The following SYT1 variants were observed in gnomAD, a reference collection of about 807,000 sequenced individuals.
SYT1 encodes synaptotagmin 1.
A neutral mutation model predicts 44.8 loss-of-function variants in SYT1; 8 were observed. The observed-to-expected ratio is 0.18, with a 90% CI of 0.10 to 0.32. The LOEUF is 0.32. SYT1 is among the 10% of genes least tolerant of loss of function. The pLI, the probability that SYT1 is intolerant of heterozygous loss-of-function variation, is 1.00. For missense variants in SYT1, 286 were observed against 509.3 expected (o/e 0.56, Z 4.22); for synonymous variants, 154 against 188.8 (o/e 0.82, Z 1.51).
chr12:78,871,760 A>G (rs748862545), intron 1 of SYT1, among the ~76,000 whole-genome samples: 6 of 151,916 alleles, frequency 3.9e-5, no homozygotes, highest in Non-Finnish European at 5.9e-5. Flanking sequence ...GCCAGATCCT[A>G]GTTTACAAGG....
At chr12:79,132,052 T>G (rs564187806) in intron 3 of SYT1, among the ~76,000 whole-genome samples, 36 of 152,314 alleles carry the variant, frequency 2.4e-4, no homozygotes, top group African/African-American at 8.4e-4. Flanking sequence ...TGAGTTTTCT[T>G]CCTATTAGAA....
chr12:79,037,654 G>A (rs986714796), intron 2 of SYT1, among the ~76,000 whole-genome samples: 2 of 151,600 alleles, frequency 1.3e-5, no homozygotes, highest in Non-Finnish European at 1.5e-5. Context: ...CTAAATATGA[G>A]GTACAATCTT....
intron 10 of SYT1, 33 bp downstream of exon 10, chr12:79,444,239 A>G: frequency 6.2e-7 from 1 of 1,610,638 alleles, no homozygotes; most frequent in Non-Finnish European, 8.5e-7. Flanking sequence ...CTTCCCACTC[A>G]ATTTCATTCC....
At chr12:79,445,635 T>C (rs1220074904) in intron 10 of SYT1, among the ~76,000 whole-genome samples, 3 of 151,956 alleles carry the variant, frequency 2.0e-5, no homozygotes, top group Non-Finnish European at 4.4e-5. Context: ...ATTCATTCTT[T>C]TTTATGGCCG....
intron 4 of SYT1, among the ~76,000 whole-genome samples, chr12:79,269,301 C>T (rs1252585159): frequency 6.6e-6 from 1 of 152,102 alleles, no homozygotes; most frequent in Non-Finnish European, 1.5e-5. Context: ...TCTTGCCCTT[C>T]TCTAACCAGC....
At chr12:79,235,980 G>A (rs1032644391) in intron 4 of SYT1, among the ~76,000 whole-genome samples, 1 of 152,058 alleles carries the variant, frequency 6.6e-6, no homozygotes, top group African/African-American at 2.4e-5. Context: ...CAATACCAGA[G>A]CTTATATTTA....
intron 3 of SYT1, among the ~76,000 whole-genome samples, chr12:79,177,969 G>A (rs1871999502): frequency 6.7e-6 from 1 of 149,038 alleles, no homozygotes; most frequent in Non-Finnish European, 1.5e-5. Flanking sequence ...TGAGTAGTTT[G>A]CGAAAATTTT....
At chr12:79,389,000 A>G (rs552637789) in intron 9 of SYT1, among the ~76,000 whole-genome samples, 35 of 152,232 alleles carry the variant, frequency 2.3e-4, no homozygotes, top group Non-Finnish European at 4.3e-4. Context: ...CTGCAATGCA[A>G]GAAACTTTGT....
intron 4 of SYT1, among the ~76,000 whole-genome samples, chr12:79,225,391 G>A (rs1875458735): frequency 6.6e-6 from 1 of 152,178 alleles, no homozygotes; most frequent in Non-Finnish European, 1.5e-5. Flanking sequence ...AGGAAGACTT[G>A]TAAGCCAGTA....
chr12:79,154,793 T>C (rs1215019863), intron 3 of SYT1, among the ~76,000 whole-genome samples: 1 of 152,138 alleles, frequency 6.6e-6, no homozygotes, highest in Non-Finnish European at 1.5e-5. Context: ...GGGAAAAGCA[T>C]ATGGACTTGA....
chr12:79,200,195 A>G (rs1391826123), intron 3 of SYT1, among the ~76,000 whole-genome samples: 1 of 152,166 alleles, frequency 6.6e-6, no homozygotes, highest in Non-Finnish European at 1.5e-5. Flanking sequence ...AAGACATAGA[A>G]AGCATTTTAT....
rs867601757 is a variant in SYT1 at position 79,124,100 on chromosome 12, G to A, written c.-18+76738G>A. ...TCCTGAAATAAGCCACATTAAAATT[G>A]TCAAAAAGAAAAACCTCTTGCAAAT... On this transcript the variant is annotated intron_variant, in intron 3 of 10. Coordinates refer to ENST00000261205, the MANE Select transcript of SYT1 (RefSeq NM_005639.3). Among the ~76,000 whole-genome samples the A allele has an allele frequency of 3.3e-5, 5 of 152,110 alleles. No homozygotes were observed. In the South Asian group the frequency reaches 1.0e-3, roughly 31 times the overall value.
At chr12:79,075,327 TTC>T (rs147649986) in intron 3 of SYT1, among the ~76,000 whole-genome samples, 8 of 151,096 alleles carry the variant, frequency 5.3e-5, no homozygotes, top group Non-Finnish European at 8.9e-5. Flanking sequence ...TCACTACAAC[TTC>T]TCTCTCTCTC....
chr12:79,273,960 G>T (rs955936012), intron 4 of SYT1, among the ~76,000 whole-genome samples: 2 of 152,144 alleles, frequency 1.3e-5, no homozygotes, highest in African/African-American at 2.4e-5. Context: ...GGCACGCACT[G>T]GTAGTCCCAG....
intron 9 of SYT1, among the ~76,000 whole-genome samples, chr12:79,367,953 C>T (rs138846171): frequency 6.6e-5 from 10 of 151,364 alleles, no homozygotes; most frequent in African/African-American, 9.7e-5. Flanking sequence ...GTGCACAATG[C>T]GCAGGTTAGT....
At chr12:78,935,017 C>T (rs1033550114) in intron 1 of SYT1, among the ~76,000 whole-genome samples, 7 of 152,136 alleles carry the variant, frequency 4.6e-5, no homozygotes, top group Admixed American at 4.6e-4. Context: ...CTATAATTGG[C>T]TGAATTCATT....
rs1247669240 is a variant in SYT1 at position 79,356,190 on chromosome 12, C to T, written c.928+2571C>T. Reference sequence around the variant, plus strand: ...TGTCTGGGAGAGACAACAGATACCTCGTGGCTCACTTCTTCACTTCTTCCA... The same window carrying T: ...TGTCTGGGAGAGACAACAGATACCTTGTGGCTCACTTCTTCACTTCTTCCA... On this transcript the variant is annotated intron_variant, in intron 9 of 10. Transcript: ENST00000261205. Among the ~76,000 whole-genome samples, 4 of 151,140 alleles carry T rather than the reference C, an allele frequency of 2.6e-5. No homozygotes were observed. The East Asian group carries it at 6.2e-4, about 23-fold the overall frequency.
chr12:79,088,109 G>A (rs766993008), intron 3 of SYT1, among the ~76,000 whole-genome samples: 3 of 151,976 alleles, frequency 2.0e-5, no homozygotes, highest in Non-Finnish European at 4.4e-5. Context: ...GAAAAAATGA[G>A]ATTAATATGT....
intron 4 of SYT1, among the ~76,000 whole-genome samples, chr12:79,264,121 C>A (rs1877990235): frequency 6.6e-6 from 1 of 151,672 alleles, no homozygotes; most frequent in Non-Finnish European, 1.5e-5. Context: ...ATTTTCTGTA[C>A]CTTAAATTTA....
Sources: allele counts gnomAD v4.1 joint callset (sites outside exome capture counted in the v4.1 genomes callset), GRCh38; gene constraint gnomAD v4.1.1; transcripts MANE v1.5; gene names NCBI Gene and HGNC (gene_info 2026-07-23, HGNC 2026-07-21).